Variants in NLGN1 observed in about 807,000 individuals in gnomAD.
The protein encoded by NLGN1 is neuroligin 1, also known as neuroligin-1.
Under a neutral mutation model 65.5 loss-of-function variants are expected in NLGN1, and 12 were observed. The observed-to-expected ratio is 0.18, with a 90% confidence interval of 0.12 to 0.30. The LOEUF is 0.30. Among genes scored for constraint, NLGN1 ranks in the 10% least tolerant of loss-of-function variants. The pLI is 1.00. For synonymous variants in NLGN1, 350 were observed against 359.5 expected, an observed-to-expected ratio of 0.97 and a Z score of 0.30; for missense variants, 750 against 1,007.1, an observed-to-expected ratio of 0.74 and a Z score of 3.46.
intron 4 of NLGN1, among the ~76,000 whole-genome samples, chr3:173,852,351 G>A (rs1321405002): frequency 1.5e-5 from 1 of 66,202 alleles, no homozygotes; most frequent in South Asian, 6.9e-4. Flanking sequence ...GCGAGACTCC[G>A]TCTCAAAAAA....
chr3:173,648,180 A>T (rs1249013100), intron 3 of NLGN1, among the ~76,000 whole-genome samples: 2 of 152,216 alleles, frequency 1.3e-5, no homozygotes, highest in Non-Finnish European at 2.9e-5. Flanking sequence ...CCAAAATTTA[A>T]ATCAAATGAC....
At chr3:173,978,422 A>G (rs1319523186) in intron 4 of NLGN1, among the ~76,000 whole-genome samples, 1 of 152,108 alleles carries the variant, frequency 6.6e-6, no homozygotes, top group Non-Finnish European at 1.5e-5. Context: ...ATCCAAGTGC[A>G]GATGTTGAGT....
intron 2 of NLGN1, among the ~76,000 whole-genome samples, chr3:173,540,557 T>C (rs954705171): frequency 2.0e-5 from 3 of 152,190 alleles, no homozygotes; most frequent in African/African-American, 7.2e-5. Context: ...GTGACACATG[T>C]CATTTTCAGT....
At chr3:173,881,376 C>T (rs995731290) in intron 4 of NLGN1, among the ~76,000 whole-genome samples, 3 of 149,992 alleles carry the variant, frequency 2.0e-5, no homozygotes, top group African/African-American at 4.9e-5. Flanking sequence ...GGATTACAGG[C>T]CTGAGCCACT....
At chr3:174,080,216 A>G (rs1478467557) in intron 4 of NLGN1, among the ~76,000 whole-genome samples, 1 of 152,180 alleles carries the variant, frequency 6.6e-6, no homozygotes, top group Non-Finnish European at 1.5e-5. Context: ...ATAACATAGA[A>G]TAAATTAACC....
chr3:174,115,819 C>G (rs1361063896), intron 4 of NLGN1, among the ~76,000 whole-genome samples: 1 of 152,142 alleles, frequency 6.6e-6, no homozygotes, highest in Non-Finnish European at 1.5e-5. Context: ...TCATTTAACT[C>G]CTCTGAGCTT....
At chr3:173,685,823 T>A (rs762439206) in intron 3 of NLGN1, 8 of 982,146 alleles carry the variant, frequency 8.1e-6, no homozygotes, top group Non-Finnish European at 9.7e-6. Flanking sequence ...AATGTGAATA[T>A]GGAGATATCA....
exon 7 of NLGN1, chr3:174,281,198 A>G (rs1751477628): frequency 6.2e-7 from 1 of 1,613,136 alleles, no homozygotes; most frequent in South Asian, 1.1e-5. Context: ...ACACTATACC[A>G]GGGATTCAGC....
At chr3:174,098,172 A>G (rs1711524385) in intron 4 of NLGN1, among the ~76,000 whole-genome samples, 1 of 152,170 alleles carries the variant, frequency 6.6e-6, no homozygotes, top group African/African-American at 2.4e-5. Flanking sequence ...AAAGCTCTTA[A>G]TGAGATTATC....
At chr3:174,216,507 T>G (rs1327256365) in intron 4 of NLGN1, among the ~76,000 whole-genome samples, 2 of 152,124 alleles carry the variant, frequency 1.3e-5, no homozygotes, top group African/African-American at 4.8e-5. Context: ...CTTCCCATCT[T>G]TCAGTCGTGT....
chr3:173,539,690 G>A (rs1738285782), intron 2 of NLGN1, among the ~76,000 whole-genome samples: 3 of 123,722 alleles, frequency 2.4e-5, no homozygotes, highest in African/African-American at 3.1e-5. Flanking sequence ...ATACATATAT[G>A]TACATATGCA....
In NLGN1 at chr3:173,778,385, G is replaced by A. The variant is rs9812873; in HGVS notation, c.494-29295G>A. Among the ~76,000 whole-genome samples, 1,132 of 151,814 alleles carry A rather than the reference G, an allele frequency of 7.5e-3. 10 individuals are homozygous for A. The highest frequency in any genetic ancestry group is 0.026 in the African/African-American group (1,086 of 41,498). On this transcript the variant is annotated intron_variant, in intron 3 of 6. Coordinates refer to ENST00000457714, the Ensembl canonical transcript of NLGN1. ...TAATTTACAGCAGAATTTATTAGGC[G>A]ATGGTTTTAGGAAATAGAAATGAAT...
At chr3:173,653,700 C>G (rs981168610) in intron 3 of NLGN1, among the ~76,000 whole-genome samples, 1 of 152,076 alleles carries the variant, frequency 6.6e-6, no homozygotes, top group South Asian at 2.1e-4. Context: ...CTGATTTCCC[C>G]TCCCTGGAGT....
chr3:174,134,377 A>C (rs1203524112), intron 4 of NLGN1, among the ~76,000 whole-genome samples: 1 of 152,202 alleles, frequency 6.6e-6, no homozygotes, highest in Non-Finnish European at 1.5e-5. Flanking sequence ...TCAATTCAAC[A>C]CTTTCATGTA....
intron 2 of NLGN1, among the ~76,000 whole-genome samples, chr3:173,438,631 G>A (rs1009406099): frequency 6.6e-6 from 1 of 152,110 alleles, no homozygotes; most frequent in African/African-American, 2.4e-5. Context: ...AAAGTTTAGA[G>A]CTGAAATTAT....
intron 4 of NLGN1, among the ~76,000 whole-genome samples, chr3:173,974,449 A>G (rs1262022258): frequency 2.0e-5 from 3 of 152,078 alleles, no homozygotes; most frequent in African/African-American, 7.2e-5. Flanking sequence ...CACTTACTAT[A>G]TATAAGTCTC....
intron 2 of NLGN1, among the ~76,000 whole-genome samples, chr3:173,581,782 A>T (rs1344935767): frequency 1.3e-5 from 2 of 151,984 alleles, no homozygotes; most frequent in East Asian, 3.8e-4. Flanking sequence ...TATGGTAAAG[A>T]TTCACAGGAA....
intron 2 of NLGN1, among the ~76,000 whole-genome samples, chr3:173,514,709 C>T (rs1210819816): frequency 6.6e-6 from 1 of 152,020 alleles, no homozygotes; most frequent in Non-Finnish European, 1.5e-5. Flanking sequence ...ATTGTTTGCC[C>T]CCTTGAATCT....
intron 4 of NLGN1, among the ~76,000 whole-genome samples, chr3:174,176,290 C>G (rs1246260252): frequency 1.3e-5 from 2 of 151,862 alleles, no homozygotes; most frequent in East Asian, 3.9e-4. Flanking sequence ...CAAGTCTCCC[C>G]AATTCTGTTA....
Sources: gnomAD v4.1 joint callset for allele counts (sites outside exome capture counted in the v4.1 genomes callset) on GRCh38, gnomAD v4.1.1 for gene constraint, MANE v1.5 for transcripts, NCBI Gene and HGNC (gene_info 2026-07-23, HGNC 2026-07-21) for gene names.